INSRR: variants seen among roughly 807,000 people sequenced by gnomAD.
The protein encoded by INSRR is insulin receptor related receptor, also known as insulin receptor-related protein.
Under a neutral mutation model 130.0 loss-of-function variants are expected in INSRR, and 114 were observed. The observed-to-expected ratio is 0.88, with a 90% confidence interval of 0.75 to 1.02. INSRR has a LOEUF of 1.02. Ranked by LOEUF, INSRR falls within the 50% of genes least tolerant of loss-of-function variation. INSRR has a pLI of 0.00. For synonymous variants in INSRR, 674 were observed against 705.2 expected, an observed-to-expected ratio of 0.96 and a Z score of 0.70; for missense variants, 1,657 against 1,735.2, an observed-to-expected ratio of 0.95 and a Z score of 0.80.
In INSRR at chr1:156,842,911, A is replaced by G; in HGVS notation, c.3126+93T>C. On this transcript the variant is annotated intron_variant, in intron 17 of 21. Coordinates refer to ENST00000368195, the MANE Select transcript of INSRR (RefSeq NM_014215.3). ...AACCATGGTCCCAATCTTGACCTTA[A>G]TGGTGCCCTAACCTCATCTCTGACC... The G allele has an allele frequency of 3.1e-6, 3 of 973,984 alleles. No homozygotes were observed. In the South Asian group the frequency reaches 4.7e-5, roughly 15 times the overall value. The allele number at this position is 973,984 out of a possible 1,614,324, so 60.3% of individuals were successfully genotyped here. A position where few individuals can be genotyped will look rare whatever the true frequency, so the allele number is the denominator to read the frequency against.
Position 156,854,595 on chromosome 1 carries a change from G to T in INSRR, c.86-292C>A, listed in dbSNP as rs1021229102. ...TCATTCTTGCAGTCAGGCTCCCAAC[G>T]ACTGCAAGCGACTCCCAGCGACTTC... On this transcript the variant is annotated intron_variant, in intron 1 of 21. Transcript: ENST00000368195. This position sits in a 1 kb window ranked among gnomAD's most constrained non-coding sequence, Gnocchi z 4.2. 3.6e-4 allele frequency among the ~76,000 whole-genome samples: 55 copies of T among 152,040 alleles called. 1 individual carries two copies. Among genetic ancestry groups the T allele is most frequent in the African/African-American group, 1.3e-3 (54 of 41,388 alleles).
chr1:156,849,513 G>GGGGGGGGCCGGGGGGGGGC, intron 5 of INSRR, 53 bp from the exon 6 acceptor site: 2 of 486,122 alleles, frequency 4.1e-6, no homozygotes, highest in Non-Finnish European at 8.3e-6. Flanking sequence ...CAGGGGGTGG[G>GGGGGGGGCCGGGGGGGGGC]AAAGGGGATG....
chr1:156,853,983 G>T lies in INSRR; in HGVS notation c.406C>A (p.Arg136Ser). ...VALPALGAVL[R>S]GAVRVEKNQE... ...TTCTTCTCCACACGCACAGCCCCAC[G>T]CAGCACGGCCCCAAGTGCAGGCAGT... is the stretch of plus-strand genomic sequence containing the variant. The change falls in exon 2 of 22, where the codon CGT becomes AGT. Residue 136 changes from arginine to serine, a missense_variant. Physicochemically the swap from Arg to Ser is moderately radical, Grantham distance 110. Coordinates refer to ENST00000368195, the MANE Select transcript of INSRR (RefSeq NM_014215.3). 1 of 1,613,396 alleles carries T rather than the reference G, an allele frequency of 6.2e-7. No individual in the cohort carries two copies. Among genetic ancestry groups the T allele is most frequent in the Non-Finnish European group, 8.5e-7 (1 of 1,179,536 alleles).
chr1:156,840,954 G>T lies in INSRR; in HGVS notation c.3813C>A (p.Ser1271=), dbSNP rs763303444. The change falls in exon 22 of 22, where the codon TCC becomes TCA. Residue 1271 remains serine, a synonymous_variant. Transcript: ENST00000368195. ...CAGGCTCTGCATCGGTGGTAGGCAGGGAGCCCCGGGCCCCCCGGCATTCCG... is the reference window on the plus strand; with the variant it reads ...CAGGCTCTGCATCGGTGGTAGGCAGTGAGCCCCGGGCCCCCCGGCATTCCG... ...YSPECRGARG[S]LPTTDAEPDS... The T allele has an allele frequency of 1.9e-6, 3 of 1,614,030 alleles. No individual in the cohort carries two copies. The highest frequency in any genetic ancestry group is 2.5e-6 in the Non-Finnish European group (3 of 1,179,986).
rs755716153 is a variant in INSRR at position 156,842,153 on chromosome 1, C to A, written c.3356G>T (p.Arg1119Leu). 8 of 1,613,982 alleles carry A rather than the reference C, an allele frequency of 5.0e-6. No homozygotes were observed. Among genetic ancestry groups the A allele is most frequent in the Non-Finnish European group, 5.1e-6 (6 of 1,180,000 alleles). Residue 1119 changes from arginine (R) to leucine (L), a missense_variant, in exon 19 of 22, where the codon CGC (arginine) becomes CTC (leucine). Transcript: ENST00000368195. ...GAAGTCCTGGGACACCATGCAGTTG[C>A]GGGCTGCTAGATCTCGGTGCACAAA... is the stretch of plus-strand genomic sequence containing the variant. ...NKFVHRDLAA[R>L]NCMVSQDFTV...
At chr1:156,850,530 C>CT (rs1558089282) in intron 5 of INSRR, among the ~76,000 whole-genome samples, 25 of 107,192 alleles carry the variant, frequency 2.3e-4, no homozygotes, top group African/African-American at 9.3e-4. Context: ...TAATTTAAAA[C>CT]ATTCTTTTTT....
chr1:156,852,575 G>T (rs564937598), intron 2 of INSRR, among the ~76,000 whole-genome samples: 2 of 152,346 alleles, frequency 1.3e-5, no homozygotes, highest in East Asian at 1.9e-4. Context: ...TAGGCCCAGG[G>T]GCCTGGGAGT....
At chr1:156,857,268 A>G (rs1655443602) in intron 1 of INSRR, among the ~76,000 whole-genome samples, 2 of 151,754 alleles carry the variant, frequency 1.3e-5, no homozygotes, top group Admixed American at 1.3e-4. Flanking sequence ...AGAATGAGAA[A>G]ACACTTCTAT....
rs754654397 is a variant in INSRR, at chr1:156,845,185, G to A, written c.2328C>T (p.Gly776=). 1 of 1,610,350 alleles carries A rather than the reference G, an allele frequency of 6.2e-7. No individual in the cohort carries two copies. Among genetic ancestry groups the A allele is most frequent in the Admixed American group, 1.7e-5 (1 of 59,572 alleles). Residue 776 remains glycine (G), a synonymous_variant, in exon 12 of 22, where the codon GGC becomes GGT. Transcript: ENST00000368195. ...KVPRERAVLS[G]LRHFTEYRID... is the part of the protein sequence containing the mutation. ...TCCGGTATTCCGTGAAGTGGCGCAG[G>A]CCGCTCAGCACCGCTCGCTCACGGG... is the stretch of plus-strand genomic sequence containing the variant.
chr1:156,841,018 A>G lies in INSRR; in HGVS notation c.3749T>C (p.Leu1250Pro). 1.2e-6 allele frequency: 2 copies of G among 1,608,178 alleles called. No homozygotes were observed. Among genetic ancestry groups the G allele is most frequent in the Non-Finnish European group, 1.7e-6 (2 of 1,177,242 alleles). ...GGAGAGGAGGCGGAAGGAGGGCCGC[A>G]GCTCCTCCTGTATGCTGTCCAGAAT... Reference protein sequence around the residue: ...THILDSIQEELRPSFRLLSFY... With the variant: ...THILDSIQEEPRPSFRLLSFY... Residue 1250 changes from leucine to proline, a missense_variant, in exon 22 of 22, where the codon CTG (leucine) becomes CCG (proline). Transcript: ENST00000368195.
rs1378784753 is a variant in INSRR at position 156,854,392 on chromosome 1, G to T, written c.86-89C>A. 4 of 1,312,144 alleles carry T rather than the reference G, an allele frequency of 3.0e-6. No individual in the cohort carries two copies. Among genetic ancestry groups the T allele is most frequent in the East Asian group, 5.0e-5 (2 of 39,776 alleles). The allele number at this position is 1,312,144 out of a possible 1,614,324, so 81.3% of individuals were successfully genotyped here. ...GCAGCTTTGGAGGGGAGCCACACTG[G>T]CAGTAGGACAATGAGTGAGGAGCCG... On this transcript the variant is annotated intron_variant, in intron 1 of 21. Transcript: ENST00000368195. The surrounding 1 kb of genome is among the most constrained non-coding windows in gnomAD (Gnocchi z 4.2).
intron 1 of INSRR, among the ~76,000 whole-genome samples, chr1:156,857,163 ATGTGTGTGTGTGTGTGTGTGTGTG>A (rs57324546): frequency 0.019 from 2,483 of 130,638 alleles, 56 homozygotes; most frequent in African/African-American, 0.059. Context: ...GCAGCTGTGT[ATGTGTGTGTGTGTGTGTGTGTGTG>A]TGTGTGTGTG....
In INSRR at chr1:156,851,416, A is replaced by C. The variant is rs1264469944; in HGVS notation, c.1103T>G (p.Leu368Arg). ...LRQGYNLEPQLQHSLGLVETI... is the reference protein window; with the variant it reads ...LRQGYNLEPQRQHSLGLVETI... The stretch of plus-strand genomic sequence containing the variant: ...TTCTACCAGCCCCAGGCTGTGCTGC[A>C]GCTGTGGCTCCAGGTTGTCTAGGGA... The change falls in exon 5 of 22, where the codon CTG becomes CGG. Residue 368 changes from leucine (L) to arginine (R), a missense_variant. Leu to Arg is a moderately radical substitution (Grantham distance 102, BLOSUM62 -2). Coordinates refer to ENST00000368195, the MANE Select transcript of INSRR (RefSeq NM_014215.3). 6.2e-7 allele frequency: 1 copy of C among 1,614,184 alleles called. No individual in the cohort carries two copies. The highest frequency in any genetic ancestry group is 1.1e-5 in the South Asian group (1 of 91,082).
chr1:156,851,797 A>G lies in INSRR; in HGVS notation c.942-9T>C. 6.2e-7 allele frequency: 1 copy of G among 1,605,328 alleles called. No individual in the cohort carries two copies. On this transcript the variant is annotated splice_polypyrimidine_tract_variant and intron_variant, in intron 3 of 21. Coordinates refer to ENST00000368195, the MANE Select transcript of INSRR (RefSeq NM_014215.3). ...ACTTGTGGCAGAATATGCTAGCAGG[A>G]GCAAGCAGATGTCCTGAGCCTTGGA...
intron 10 of INSRR, 85 bp downstream of exon 10, chr1:156,845,534 C>T: frequency 7.8e-7 from 1 of 1,290,162 alleles, no homozygotes. Flanking sequence ...CAAGGCCCCA[C>T]CCACAAACCC....
At position 156,858,642 on chromosome 1, in the gene INSRR, T is replaced by C; in HGVS notation, c.-21A>G. 1 of 1,608,390 alleles carries C rather than the reference T, an allele frequency of 6.2e-7. No homozygotes were observed. The highest frequency in any genetic ancestry group is 8.5e-7 in the Non-Finnish European group (1 of 1,174,920). ...GCCATTGTCCCAGCCCTGGCTTGTG[T>C]CCAGTCCCGGCTCTCCTCCCGGTGA... On this transcript the variant is annotated 5_prime_UTR_variant, in exon 1 of 22. Transcript: ENST00000368195.
Position 156,840,924 on chromosome 1 carries a change from G to C in INSRR, c.3843C>G (p.Ser1281=), listed in dbSNP as rs750054588. 1.7e-5 allele frequency: 27 copies of C among 1,613,980 alleles called. No individual in the cohort carries two copies. The highest frequency in any genetic ancestry group is 2.7e-5 in the African/African-American group (2 of 74,932). Residue 1281 remains serine, a synonymous_variant, in exon 22 of 22, where the codon TCC becomes TCG. Coordinates refer to ENST00000368195, the MANE Select transcript of INSRR (RefSeq NM_014215.3). ...GGCTGCAGTCTCTTGGAGTGGGTGA[G>C]GAGTCAGGCTCTGCATCGGTGGTAG... ...SLPTTDAEPD[S]SPTPRDCSPQ...
chr1:156,848,016 AG>A (rs1249162216), intron 7 of INSRR, among the ~76,000 whole-genome samples: 2 of 152,138 alleles, frequency 1.3e-5, no homozygotes, highest in East Asian at 3.9e-4. Context: ...GGAGCTTATT[AG>A]ACATGTGAAT....
chr1:156,850,530 C>CTTT (rs1558089282), intron 5 of INSRR, among the ~76,000 whole-genome samples: 4 of 107,150 alleles, frequency 3.7e-5, no homozygotes, highest in African/African-American at 1.5e-4. Flanking sequence ...TAATTTAAAA[C>CTTT]ATTCTTTTTT....
Sources: allele counts gnomAD v4.1 joint callset (sites outside exome capture counted in the v4.1 genomes callset), GRCh38; gene constraint gnomAD v4.1.1; non-coding constraint Gnocchi (gnomAD v3.1); transcripts MANE v1.5; gene names NCBI Gene and HGNC (gene_info 2026-07-23, HGNC 2026-07-21).